Variants in TENM4 observed in about 807,000 individuals in gnomAD.
TENM4 encodes the protein teneurin-4.
A neutral mutation model predicts 243.3 loss-of-function variants in TENM4; 82 were observed. The observed-to-expected ratio is 0.34, with a 90% CI of 0.28 to 0.40. The LOEUF is 0.40. Among genes scored for constraint, TENM4 ranks in the 10% least tolerant of loss-of-function variants. The probability of loss-of-function intolerance (pLI) is 1.00; values close to 1 mark genes in which losing one functional copy is unlikely to be tolerated. For synonymous variants in TENM4, 1,412 were observed against 1,456.3 expected (o/e 0.97, Z 0.69); for missense variants, 3,138 against 3,673.3 (o/e 0.85, Z 3.77).
chr11:79,307,584 C>T (rs115089555), intron 1 of TENM4, among the ~76,000 whole-genome samples: 4,071 of 152,276 alleles, frequency 0.027, 163 homozygotes, highest in African/African-American at 0.091. Flanking sequence ...TCTCCCTGCA[C>T]TCGTCCTCAT....
chr11:79,112,094 A>G (rs10899590), intron 4 of TENM4, among the ~76,000 whole-genome samples: 46,100 of 151,690 alleles, frequency 0.3, 8,396 homozygotes, highest in African/African-American at 0.53. Context: ...GTGCAGAGGA[A>G]GTGGTCTTCT....
At chr11:79,013,443 T>C (rs1858699334) in intron 6 of TENM4, among the ~76,000 whole-genome samples, 1 of 152,178 alleles carries the variant, frequency 6.6e-6, no homozygotes, top group Non-Finnish European at 1.5e-5. Context: ...TGAAGCTCCT[T>C]CCCCCAACCC....
chr11:78,968,870 G>C (rs143216827), intron 6 of TENM4, among the ~76,000 whole-genome samples: 2,056 of 152,304 alleles, frequency 0.013, 25 homozygotes, highest in Non-Finnish European at 0.02. Flanking sequence ...TAGGGAAAGG[G>C]AGAGGCCTGT....
chr11:79,230,150 G>A (rs762476568), intron 2 of TENM4, among the ~76,000 whole-genome samples: 3 of 152,114 alleles, frequency 2.0e-5, no homozygotes, highest in Non-Finnish European at 2.9e-5. Context: ...TTTAATGAAG[G>A]AAGGCTTGAC....
At chr11:78,940,555 A>G (rs528125696) in intron 6 of TENM4, among the ~76,000 whole-genome samples, 1 of 152,318 alleles carries the variant, frequency 6.6e-6, no homozygotes, top group Admixed American at 6.5e-5. Context: ...CAAGAGGCTG[A>G]CAGGGCAGCA....
intron 12 of TENM4, among the ~76,000 whole-genome samples, chr11:78,846,726 C>A: frequency 7.4e-6 from 1 of 135,842 alleles, no homozygotes; most frequent in Non-Finnish European, 1.7e-5. Flanking sequence ...AGGCCAAGTA[C>A]CATGTCTGCC....
At chr11:79,078,460 G>A (rs976176207) in intron 4 of TENM4, among the ~76,000 whole-genome samples, 1 of 152,152 alleles carries the variant, frequency 6.6e-6, no homozygotes, top group Non-Finnish European at 1.5e-5. Context: ...AGGATGGCTT[G>A]TGGTGGTACC....
chr11:78,760,095 A>G (rs1184192308), intron 18 of TENM4, among the ~76,000 whole-genome samples: 1 of 152,044 alleles, frequency 6.6e-6, no homozygotes. Flanking sequence ...CTGCAACCCA[A>G]ACGATGACCT....
chr11:79,106,744 G>A (rs1861378790), intron 4 of TENM4, among the ~76,000 whole-genome samples: 1 of 152,174 alleles, frequency 6.6e-6, no homozygotes, highest in Non-Finnish European at 1.5e-5. Flanking sequence ...CAGGGCAATG[G>A]CAGAGATGGG....
Position 79,148,817 on chromosome 11 carries a change from A to G in TENM4, c.-162-11T>C. 1 of 930,586 alleles carries G rather than the reference A, an allele frequency of 1.1e-6. No homozygotes were observed. Among genetic ancestry groups the G allele is most frequent in the Non-Finnish European group, 1.3e-6 (1 of 780,030 alleles). The allele number at this position is 930,586 out of a possible 1,614,324, so 57.6% of individuals were successfully genotyped here. ...GTAATTTCAGTCTACCTGTTGAAAGAGACAAGAGACAAATCAGTCATTTTT... is the reference window on the plus strand; with the variant it reads ...GTAATTTCAGTCTACCTGTTGAAAGGGACAAGAGACAAATCAGTCATTTTT... On this transcript the variant is annotated splice_polypyrimidine_tract_variant and intron_variant, in intron 3 of 33. Transcript: ENST00000278550.
intron 1 of TENM4, among the ~76,000 whole-genome samples, chr11:79,386,706 T>C (rs1858118809): frequency 6.6e-6 from 1 of 150,992 alleles, no homozygotes; most frequent in Non-Finnish European, 1.5e-5. Context: ...GACACAACCA[T>C]ACAACCACCA....
At chr11:79,195,897 A>T (rs1863617557) in intron 3 of TENM4, among the ~76,000 whole-genome samples, 1 of 152,144 alleles carries the variant, frequency 6.6e-6, no homozygotes, top group Non-Finnish European at 1.5e-5. Flanking sequence ...CACAAATCTC[A>T]ACTTGAATTG....
At chr11:78,863,353 T>C (rs1858873969) in intron 9 of TENM4, among the ~76,000 whole-genome samples, 1 of 152,196 alleles carries the variant, frequency 6.6e-6, no homozygotes, top group African/African-American at 2.4e-5. Context: ...CACAGTCTGG[T>C]GGAACTGGGA....
rs1285447050 is a variant in TENM4, at chr11:78,854,331, GCA to G, written c.1471-19_1471-18del. 1.3e-6 allele frequency: 2 copies of G among 1,483,994 alleles called. No homozygotes were observed. The highest frequency in any genetic ancestry group is 4.8e-5 in the Admixed American group (2 of 41,770). The allele number at this position is 1,483,994 out of a possible 1,614,324, so 91.9% of individuals were successfully genotyped here. ...AAAGTCAAACTGAAAGACAGAGAAA[GCA>G]CAGTTAGCAGTGGGTCTGTTCCACC... On this transcript the variant is annotated intron_variant, in intron 11 of 33. Transcript: ENST00000278550.
At chr11:79,277,284 G>A (rs527334772) in intron 2 of TENM4, among the ~76,000 whole-genome samples, 1 of 152,334 alleles carries the variant, frequency 6.6e-6, no homozygotes, top group South Asian at 2.1e-4. Flanking sequence ...GAATTTGTCA[G>A]CTTCCAGATA....
At chr11:78,985,646 C>G (rs1857900261) in intron 6 of TENM4, among the ~76,000 whole-genome samples, 1 of 152,120 alleles carries the variant, frequency 6.6e-6, no homozygotes, top group African/African-American at 2.4e-5. Context: ...ATTGGTAGGG[C>G]TTTCTGTACG....
At chr11:78,871,409 A>G (rs144335977) in intron 9 of TENM4, among the ~76,000 whole-genome samples, 1 of 152,290 alleles carries the variant, frequency 6.6e-6, no homozygotes, top group African/African-American at 2.4e-5. Context: ...GTGAGGACAT[A>G]TCAGGACCTG....
rs574396497 is a variant in TENM4, at chr11:79,024,289, C to T, written c.493+40449G>A. ...GAAAAGTGATTGGCCTGTGGTCTGTCTCAGTTCCATTCCAGCCTCCCTAGA... is the reference window on the plus strand; with the variant it reads ...GAAAAGTGATTGGCCTGTGGTCTGTTTCAGTTCCATTCCAGCCTCCCTAGA... On this transcript the variant is annotated intron_variant, in intron 6 of 33. Coordinates refer to ENST00000278550, the MANE Select transcript of TENM4 (RefSeq NM_001098816.3). 1.8e-3 allele frequency among the ~76,000 whole-genome samples: 267 copies of T among 152,300 alleles called. 1 individual carries two copies. The highest frequency in any genetic ancestry group is 5.6e-3 in the African/African-American group (232 of 41,572).
chr11:79,416,494 C>T (rs1453998450), intron 1 of TENM4, among the ~76,000 whole-genome samples: 1 of 152,104 alleles, frequency 6.6e-6, no homozygotes, highest in Non-Finnish European at 1.5e-5. Context: ...TTTCATGTGC[C>T]TCTTTTTTGA....
Sources: allele counts gnomAD v4.1 joint callset (sites outside exome capture counted in the v4.1 genomes callset), GRCh38; gene constraint gnomAD v4.1.1; transcripts MANE v1.5; gene names NCBI Gene and HGNC (gene_info 2026-07-23, HGNC 2026-07-21).